GREB1L: variants seen among roughly 807,000 people sequenced by gnomAD.
GREB1L encodes GREB1 like retinoic acid receptor coactivator.
A neutral mutation model predicts 200.8 loss-of-function variants in GREB1L; 17 were observed. The observed-to-expected ratio is 0.08, with a 90% confidence interval of 0.06 to 0.13. The LOEUF (loss-of-function observed/expected upper bound fraction) is 0.13. Ranked by LOEUF, GREB1L falls within the 10% of genes least tolerant of loss-of-function variation. The pLI, the probability that GREB1L is intolerant of heterozygous loss-of-function variation, is 1.00. For missense variants in GREB1L, 1,657 were observed against 2,367.7 expected, an observed-to-expected ratio of 0.70 and a Z score of 6.23; for synonymous variants, 789 against 893.0, an observed-to-expected ratio of 0.88 and a Z score of 2.08.
chr18:21,412,051 C>CAAAAAAAAAAA (rs962603456), intron 7 of GREB1L, among the ~76,000 whole-genome samples: 2 of 30,492 alleles, frequency 6.6e-5, no homozygotes, highest in African/African-American at 2.2e-4. Flanking sequence ...GACTCCGTCT[C>CAAAAAAAAAAA]AAAAAAAAAA....
chr18:21,383,861 C>T (rs758694768), intron 3 of GREB1L, among the ~76,000 whole-genome samples, 186 bp downstream of exon 3: 6 of 151,856 alleles, frequency 4.0e-5, no homozygotes, highest in Admixed American at 6.6e-5. Flanking sequence ...TACAGGTGCA[C>T]GCCACCACTC....
At position 21,508,595 on chromosome 18, in the gene GREB1L, AG is replaced by A. The variant is rs760912542; in HGVS notation, c.4735+8del. On this transcript the variant is annotated splice_donor_5th_base_variant and intron_variant, in intron 27 of 32. Coordinates refer to ENST00000424526, the MANE Select transcript of GREB1L (RefSeq NM_001142966.3). ...ATGTTCAATAATGCAGGCGTGGGTAAGGGGCCCCCCTGGGATGGGGAGAAGG... is the reference window on the plus strand; with the variant it reads ...ATGTTCAATAATGCAGGCGTGGGTAAGGGCCCCCCTGGGATGGGGAGAAGG... 6.4e-7 allele frequency: 1 copy of A among 1,550,560 alleles called. No homozygotes were observed.
chr18:21,400,272 T>C (rs762681657), intron 5 of GREB1L, among the ~76,000 whole-genome samples: 1 of 152,164 alleles, frequency 6.6e-6, no homozygotes, highest in Non-Finnish European at 1.5e-5. Context: ...TTTTTCCATG[T>C]CCCCTGTTCC....
chr18:21,411,277 G>C (rs11873839), intron 7 of GREB1L, among the ~76,000 whole-genome samples: 1 of 151,628 alleles, frequency 6.6e-6, no homozygotes, highest in African/African-American at 2.4e-5. Context: ...CGCCATCTCA[G>C]CTCACTGCAA....
intron 21 of GREB1L, among the ~76,000 whole-genome samples, chr18:21,497,811 A>ACCCCC (rs61655993): frequency 4.4e-5 from 3 of 67,540 alleles, no homozygotes; most frequent in South Asian, 7.9e-4. Context: ...TCCCCTCACC[A>ACCCCC]CCCCCCCCCC....
intron 1 of GREB1L, among the ~76,000 whole-genome samples, chr18:21,360,038 A>G (rs1194010929): frequency 6.6e-6 from 1 of 152,120 alleles, no homozygotes; most frequent in Non-Finnish European, 1.5e-5. Flanking sequence ...TGGTATAAGG[A>G]TGTTTGTGGT....
chr18:21,338,292 A>T (rs2039218373), intron 1 of GREB1L, among the ~76,000 whole-genome samples: 1 of 152,236 alleles, frequency 6.6e-6, no homozygotes, highest in East Asian at 1.9e-4. Flanking sequence ...GGTGATGCTG[A>T]TGCAGTCCTT....
At chr18:21,246,885 CAGAG>C (rs1364851557) in intron 1 of GREB1L, among the ~76,000 whole-genome samples, 13 of 152,262 alleles carry the variant, frequency 8.5e-5, no homozygotes, top group South Asian at 2.1e-4. Flanking sequence ...GAGGAAAAAT[CAGAG>C]AGAAAATTTA....
intron 7 of GREB1L, among the ~76,000 whole-genome samples, chr18:21,430,527 T>TA (rs1043598781): frequency 1.3e-5 from 2 of 151,478 alleles, no homozygotes; most frequent in Non-Finnish European, 2.9e-5. Flanking sequence ...TCACTTTTTC[T>TA]AGTTTCTTAA....
intron 7 of GREB1L, among the ~76,000 whole-genome samples, chr18:21,433,767 T>A (rs1190308260): frequency 1.3e-4 from 20 of 152,200 alleles, no homozygotes. Context: ...GGAGCACCAT[T>A]AGTAAGTATC....
chr18:21,357,589 C>T (rs1186688961), intron 1 of GREB1L, among the ~76,000 whole-genome samples: 1 of 152,132 alleles, frequency 6.6e-6, no homozygotes, highest in Non-Finnish European at 1.5e-5. Flanking sequence ...CCCATGTTTT[C>T]GTCTAGTAGT....
intron 15 of GREB1L, among the ~76,000 whole-genome samples, chr18:21,455,486 A>G (rs2034716044): frequency 1.3e-5 from 2 of 152,140 alleles, no homozygotes; most frequent in African/African-American, 4.8e-5. Context: ...GTTCAAGACC[A>G]GCCTGGCCAA....
At chr18:21,499,622 C>A (rs1415531572) in intron 21 of GREB1L, 107 bp from the exon 22 acceptor site, 7 of 728,966 alleles carry the variant, frequency 9.6e-6, no homozygotes, top group African/African-American at 7.1e-5. Context: ...GGTCTGCAGC[C>A]GCGGAGCCGA....
intron 2 of GREB1L, among the ~76,000 whole-genome samples, chr18:21,373,359 CAG>C (rs1047616497): frequency 6.6e-6 from 1 of 151,806 alleles, no homozygotes; most frequent in African/African-American, 2.4e-5. Context: ...TTTTTCGAGA[CAG>C]AGTTTTTTGT....
At chr18:21,336,825 T>C (rs1423240872) in intron 1 of GREB1L, among the ~76,000 whole-genome samples, 2 of 152,186 alleles carry the variant, frequency 1.3e-5, no homozygotes, top group Non-Finnish European at 2.9e-5. Flanking sequence ...TCAGAATTTA[T>C]CTTTGCAGAC....
At chr18:21,460,619 CGT>C in intron 15 of GREB1L, among the ~76,000 whole-genome samples, 1 of 152,040 alleles carries the variant, frequency 6.6e-6, no homozygotes, top group East Asian at 2.0e-4. Flanking sequence ...GGATTACAGG[CGT>C]GAGCCACTGT....
Position 21,518,035 on chromosome 18 carries a change from T to C in GREB1L, c.5273T>C (p.Val1758Ala), listed in dbSNP as rs1416127397. Residue 1758 changes from valine to alanine, a missense_variant and splice_region_variant, in exon 31 of 33, where the codon GTG becomes GCG. Physicochemically the swap from Val to Ala is moderately conservative, Grantham distance 64 (BLOSUM62 0). Around this residue, in one of 9 missense-constraint regions of GREB1L, gnomAD observed 190 missense variants for 230.2 expected, o/e 0.83. Coordinates refer to ENST00000424526, the MANE Select transcript of GREB1L (RefSeq NM_001142966.3). ...RDFIIKPKIM[V>A]SESLAPILPL... ...TGATCATCTCGCCTCTGATTTCAGG[T>C]GTCAGAGAGCTTAGCACCCATCTTG... The C allele has an allele frequency of 6.5e-7, 1 of 1,550,026 alleles. No homozygotes were observed. The highest frequency in any genetic ancestry group is 2.0e-5 in the Admixed American group (1 of 50,994).
intron 4 of GREB1L, among the ~76,000 whole-genome samples, chr18:21,388,628 T>C (rs2144185881): frequency 7.2e-6 from 1 of 138,626 alleles, no homozygotes; most frequent in Middle Eastern, 3.9e-3. Context: ...CACTGCAAGC[T>C]CCGCCTCCCG....
chr18:21,422,553 T>C, intron 7 of GREB1L, among the ~76,000 whole-genome samples: 1 of 152,318 alleles, frequency 6.6e-6, no homozygotes, highest in South Asian at 2.1e-4. Flanking sequence ...GGCAAAATTT[T>C]GTATGCAGGA....
Sources: gnomAD v4.1 joint callset for allele counts (sites outside exome capture counted in the v4.1 genomes callset) on GRCh38, gnomAD v4.1.1 for gene constraint, gnomAD v4.1.1 regional missense constraint, MANE v1.5 for transcripts, NCBI Gene and HGNC (gene_info 2026-07-23, HGNC 2026-07-21) for gene names.